Variants in CENPE observed in about 807,000 individuals in gnomAD.
CENPE encodes centromere-associated protein E.
CENPE carries 145 observed loss-of-function variants against 336.1 expected under a neutral mutation model. That is an observed-to-expected ratio of 0.43 (90% CI 0.38 to 0.50). CENPE has a LOEUF of 0.50. CENPE is among the 20% of genes least tolerant of loss of function. The pLI, the probability that CENPE is intolerant of heterozygous loss-of-function variation, is 0.00. For synonymous variants in CENPE, 1,013 were observed against 984.8 expected, an observed-to-expected ratio of 1.03 and a Z score of -0.54; for missense variants, 2,719 against 3,023.3, an observed-to-expected ratio of 0.90 and a Z score of 2.36.
chr4:103,125,987 C>T (rs1751063605), intron 42 of CENPE, among the ~76,000 whole-genome samples: 1 of 152,048 alleles, frequency 6.6e-6, no homozygotes, highest in Non-Finnish European at 1.5e-5. Flanking sequence ...GGGATGCTCC[C>T]CAAACTGGAG....
At position 103,116,572 on chromosome 4, in the gene CENPE, C is replaced by A; in HGVS notation, c.7442+5G>T. On this transcript the variant is annotated splice_donor_5th_base_variant and intron_variant, in intron 45 of 48. Transcript: ENST00000265148. ...AAATCACATTAAATTAAGACAAATA[C>A]GTACTCCTTTTCAAATTCTTTGGCA... 7.2e-7 allele frequency: 1 copy of A among 1,398,282 alleles called. No individual in the cohort carries two copies. The highest frequency in any genetic ancestry group is 1.3e-5 in the South Asian group (1 of 77,194). 86.6% of individuals were successfully genotyped at this position (1,398,282 alleles called of 1,614,324 possible).
intron 9 of CENPE, among the ~76,000 whole-genome samples, chr4:103,183,702 T>A (rs1205036168): frequency 6.6e-6 from 1 of 151,512 alleles, no homozygotes; most frequent in South Asian, 2.1e-4. Flanking sequence ...TCAAAAAGTT[T>A]AAAAAAAAAG....
At chr4:103,123,154 A>G (rs905151602) in intron 42 of CENPE, 65 bp from the exon 43 acceptor site, 1 of 1,177,254 alleles carries the variant, frequency 8.5e-7, no homozygotes, top group African/African-American at 1.5e-5. Context: ...CTTACCTGCA[A>G]TTTTATTTTC....
At chr4:103,172,570 A>C (rs1311662491) in intron 16 of CENPE, among the ~76,000 whole-genome samples, 1 of 152,078 alleles carries the variant, frequency 6.6e-6, no homozygotes, top group Non-Finnish European at 1.5e-5. Context: ...TGCCACTTTT[A>C]TTCAACATAG....
intron 11 of CENPE, among the ~76,000 whole-genome samples, chr4:103,182,473 C>A (rs561927216): frequency 2.6e-5 from 4 of 152,008 alleles, no homozygotes; most frequent in Non-Finnish European, 4.4e-5. Flanking sequence ...ATTGATAGGA[C>A]TAATATTAAA....
In CENPE at chr4:103,182,781, T is replaced by C. The variant is rs1756433104; in HGVS notation, c.944A>G (p.Glu315Gly). Residue 315 changes from glutamate to glycine, a missense_variant, in exon 11 of 49, where the codon GAA becomes GGA. This residue lies in a region of CENPE where 117 missense variants were observed against 215.8 expected (regional missense o/e 0.54). Coordinates refer to ENST00000265148, the MANE Select transcript of CENPE (RefSeq NM_001813.3). ...ACTCACCTGGAGAGCAGTAAGTGTT[T>C]CATCAAAAGATACTGGAGTAATTGT... is the stretch of plus-strand genomic sequence containing the variant. ...ICTITPVSFD[E>G]TLTALQFAST... 1.2e-6 allele frequency: 2 copies of C among 1,610,164 alleles called. No individual in the cohort carries two copies. The highest frequency in any genetic ancestry group is 1.7e-6 in the Non-Finnish European group (2 of 1,178,066).
rs142939020 is a variant in CENPE, at chr4:103,111,010, C to T, written c.7542G>A (p.Val2514=). The part of the protein sequence containing the change: ...RRSQQAQDTS[V]ISEHTDPQPS... Reference sequence around the variant, plus strand: ...GCTGAGGATCAGTATGTTCTGATATCACTGTGGGAGGAAAATATACAAATA... The same window carrying T: ...GCTGAGGATCAGTATGTTCTGATATTACTGTGGGAGGAAAATATACAAATA... The change falls in exon 47 of 49, where the codon GTG becomes GTA. Residue 2514 remains valine, a splice_region_variant and synonymous_variant. Transcript: ENST00000265148. 247 of 1,561,152 alleles carry T rather than the reference C, an allele frequency of 1.6e-4. No homozygotes were observed. In the African/African-American group the frequency reaches 3.3e-3, roughly 21 times the overall value.
At chr4:103,128,374 T>A (rs999054764) in intron 42 of CENPE, among the ~76,000 whole-genome samples, 24 of 152,048 alleles carry the variant, frequency 1.6e-4, no homozygotes. Context: ...GGCAGAAAAA[T>A]CAGGAAGGAC....
chr4:103,130,318 A>C (rs971026474), intron 42 of CENPE, among the ~76,000 whole-genome samples: 2 of 152,264 alleles, frequency 1.3e-5, no homozygotes, highest in East Asian at 3.8e-4. Context: ...CAACTATCGC[A>C]AAGTTGCAGG....
chr4:103,145,193 G>A lies in CENPE; in HGVS notation c.4714C>T (p.Leu1572Phe), dbSNP rs1752917226. The A allele has an allele frequency of 6.2e-7, 1 of 1,613,514 alleles. No homozygotes were observed. The highest frequency in any genetic ancestry group is 1.3e-5 in the African/African-American group (1 of 74,968). ...SALQSIESKM[L>F]ELTNRLQESQ... is the part of the protein sequence containing the mutation. ...TCTTGAAGTCTGTTGGTCAACTCGA[G>A]CATCTTACTTTCTATACTTTGTAGT... is the stretch of plus-strand genomic sequence containing the variant. Residue 1572 changes from leucine to phenylalanine, a missense_variant, in exon 32 of 49, where the codon CTC becomes TTC. This residue lies in a region of CENPE where 2,437 missense variants were observed against 2,513.3 expected (regional missense o/e 0.97). Transcript: ENST00000265148.
At chr4:103,195,432 G>A (rs1011191474) in intron 4 of CENPE, among the ~76,000 whole-genome samples, 199 bp from the exon 5 acceptor site, 24 of 152,030 alleles carry the variant, frequency 1.6e-4, no homozygotes, top group African/African-American at 5.6e-4. Flanking sequence ...GTACCATAAA[G>A]CTGGGAGAAC....
chr4:103,160,111 T>A (rs1754311171), intron 21 of CENPE, among the ~76,000 whole-genome samples: 1 of 151,982 alleles, frequency 6.6e-6, no homozygotes, highest in Non-Finnish European at 1.5e-5. Context: ...TTTAGCATGA[T>A]GTTTGCCATA....
intron 42 of CENPE, among the ~76,000 whole-genome samples, chr4:103,126,434 G>A (rs1336117205): frequency 2.0e-5 from 3 of 151,998 alleles, no homozygotes; most frequent in East Asian, 3.9e-4. Flanking sequence ...AATATACTCC[G>A]CCTGCCACCC....
chr4:103,116,805 T>C, intron 44 of CENPE, 116 bp from the exon 45 acceptor site: 1 of 534,972 alleles, frequency 1.9e-6, no homozygotes, highest in Non-Finnish European at 3.3e-6. Flanking sequence ...TAGCAAACAA[T>C]TCCAAATATA....
intron 48 of CENPE, 55 bp from the exon 49 acceptor site, chr4:103,106,371 A>C: frequency 2.2e-6 from 3 of 1,362,026 alleles, no homozygotes; most frequent in Non-Finnish European, 3.1e-6. Context: ...CACAAAAACC[A>C]AGCACAGCTG....
chr4:103,198,207 G>T, intron 1 of CENPE, 57 bp downstream of exon 1: 1 of 1,517,372 alleles, frequency 6.6e-7, no homozygotes, highest in Non-Finnish European at 8.9e-7. Flanking sequence ...TCGCCCCTCC[G>T]GCTCAGGGCG....
Position 103,131,875 on chromosome 4 carries a change from CAT to C in CENPE, c.6924+816_6924+817del, listed in dbSNP as rs1239702210. ...AAGGCTATATACTGTATGATTCCAACATATGACATTCTGGAAAAGGGGCTACT... is the reference window on the plus strand; with the variant it reads ...AAGGCTATATACTGTATGATTCCAACATGACATTCTGGAAAAGGGGCTACT... On this transcript the variant is annotated intron_variant, in intron 42 of 48. Coordinates refer to ENST00000265148, the MANE Select transcript of CENPE (RefSeq NM_001813.3). Among the ~76,000 whole-genome samples, 6 of 152,258 alleles carry C rather than the reference CAT, an allele frequency of 3.9e-5. No individual in the cohort carries two copies. The East Asian group carries it at 9.6e-4, about 24-fold the overall frequency.
At chr4:103,121,228 A>G (rs1750592573) in intron 43 of CENPE, among the ~76,000 whole-genome samples, 1 of 152,228 alleles carries the variant, frequency 6.6e-6, no homozygotes, top group African/African-American at 2.4e-5. Context: ...TAAAAATAGT[A>G]TACACACAAT....
intron 47 of CENPE, among the ~76,000 whole-genome samples, chr4:103,110,141 C>T (rs896506928): frequency 7.2e-5 from 11 of 152,102 alleles, no homozygotes; most frequent in Non-Finnish European, 1.5e-4. Flanking sequence ...TTCCAGATCA[C>T]TGAAATAAAG....
Sources: gnomAD v4.1 joint callset for allele counts (sites outside exome capture counted in the v4.1 genomes callset) on GRCh38, gnomAD v4.1.1 for gene constraint, gnomAD v4.1.1 regional missense constraint, MANE v1.5 for transcripts, NCBI Gene and HGNC (gene_info 2026-07-23, HGNC 2026-07-21) for gene names.